The following GRIK5 variants were observed in gnomAD, a reference collection of about 807,000 sequenced individuals.
GRIK5 encodes glutamate receptor ionotropic, kainate 5.
GRIK5 carries 43 observed loss-of-function variants against 97.4 expected under a neutral mutation model. The ratio of observed to expected loss-of-function variants is 0.44; its 90% CI spans 0.35 to 0.57. The LOEUF is 0.57. Ranked by LOEUF, GRIK5 falls within the 20% of genes least tolerant of loss-of-function variation. The pLI is 0.01. For missense variants in GRIK5, 1,015 were observed against 1,382.0 expected, an observed-to-expected ratio of 0.73 and a Z score of 4.21; for synonymous variants, 580 against 583.5, an observed-to-expected ratio of 0.99 and a Z score of 0.09.
Position 42,005,970 on chromosome 19 carries a change from G to A in GRIK5, c.2038-22C>T, listed in dbSNP as rs1220007904. ...AATTCTGGGCAGGAGGATCACAAGGGGAAGATGGGAGGGTCTTTCCAGCCG... is the reference window on the plus strand; with the variant it reads ...AATTCTGGGCAGGAGGATCACAAGGAGAAGATGGGAGGGTCTTTCCAGCCG... On this transcript the variant is annotated intron_variant, in intron 16 of 19. Transcript: ENST00000593562. The A allele has an allele frequency of 7.3e-6, 9 of 1,231,686 alleles. No individual in the cohort carries two copies. In the African/African-American group the frequency reaches 1.2e-4, roughly 16 times the overall value. 76.3% of individuals were successfully genotyped at this position (1,231,686 alleles called of 1,614,324 possible).
chr19:42,068,197 G>A (rs1275112993), intron 1 of GRIK5, among the ~76,000 whole-genome samples: 2 of 152,114 alleles, frequency 1.3e-5, no homozygotes, highest in Admixed American at 1.3e-4. Context: ...GGAAACTGAG[G>A]TGGGGAGATG....
chr19:42,062,356 T>C lies in GRIK5; in HGVS notation c.508+132A>G. ...AACCAGAGGCCTCGGTTTCTGAAGA[T>C]GGGAGAAGAGCCTGGTGCCTGGGTG... is the stretch of plus-strand genomic sequence containing the variant. On this transcript the variant is annotated intron_variant, in intron 5 of 19. Transcript: ENST00000593562. This position sits in a 1 kb window ranked among gnomAD's most constrained non-coding sequence, Gnocchi z 5.3. 1 of 804,060 alleles carries C rather than the reference T, an allele frequency of 1.2e-6. No homozygotes were observed. Among genetic ancestry groups the C allele is most frequent in the African/African-American group, 1.7e-5 (1 of 57,784 alleles). 49.8% of individuals were successfully genotyped at this position (804,060 alleles called of 1,614,324 possible).
At chr19:42,050,915 G>GAAGA (rs2076107042) in intron 11 of GRIK5, among the ~76,000 whole-genome samples, 1 of 152,046 alleles carries the variant, frequency 6.6e-6, no homozygotes, top group Non-Finnish European at 1.5e-5. Context: ...CACGTACCTT[G>GAAGA]GGCACTGCAA....
chr19:42,027,038 C>A (rs1318189359), intron 12 of GRIK5, among the ~76,000 whole-genome samples: 2 of 152,196 alleles, frequency 1.3e-5, no homozygotes, highest in Non-Finnish European at 2.9e-5. Context: ...TCATCCCCTA[C>A]CATCTTGCCC....
chr19:42,047,670 T>C (rs2076059496), intron 11 of GRIK5, among the ~76,000 whole-genome samples: 1 of 152,120 alleles, frequency 6.6e-6, no homozygotes, highest in African/African-American at 2.4e-5. Flanking sequence ...AATACCCATA[T>C]GGAAAAAAAT....
intron 12 of GRIK5, among the ~76,000 whole-genome samples, chr19:42,031,360 T>C (rs1254179286): frequency 6.6e-6 from 1 of 152,236 alleles, no homozygotes; most frequent in Non-Finnish European, 1.5e-5. Flanking sequence ...CAGGGAGTTC[T>C]AGGAGCTTCC....
intron 5 of GRIK5, among the ~76,000 whole-genome samples, chr19:42,060,473 T>C (rs1282976794): frequency 6.6e-6 from 1 of 151,676 alleles, no homozygotes; most frequent in Non-Finnish European, 1.5e-5. Flanking sequence ...CAACTTTAAA[T>C]GAAATGGTGG....
rs923429552 is a variant in GRIK5 at position 42,062,220 on chromosome 19, C to T, written c.508+268G>A. 6.6e-6 allele frequency among the ~76,000 whole-genome samples: 1 copy of T among 152,198 alleles called. No individual in the cohort carries two copies. The highest frequency in any genetic ancestry group is 1.5e-5 in the Non-Finnish European group (1 of 68,026). Reference sequence around the variant, plus strand: ...ATGACCTCCACTAGAACCGGAGTTCCAAGCACCCAGGGACCACGCCCAGGG... The same window carrying T: ...ATGACCTCCACTAGAACCGGAGTTCTAAGCACCCAGGGACCACGCCCAGGG... On this transcript the variant is annotated intron_variant, in intron 5 of 19. Transcript: ENST00000593562. This position sits in a 1 kb window ranked among gnomAD's most constrained non-coding sequence, Gnocchi z 5.3.
Position 42,003,305 on chromosome 19 carries a change from G to T in GRIK5, c.2514+27C>A. ...TCAGCCCCTGGGGGTCCCTGTTCCT[G>T]CCCACCCCCACCCCCAGCCTCCTCA... On this transcript the variant is annotated intron_variant, in intron 19 of 19. Transcript: ENST00000593562. The surrounding 1 kb of genome is among the most constrained non-coding windows in gnomAD (Gnocchi z 4.2). 1 of 1,540,744 alleles carries T rather than the reference G, an allele frequency of 6.5e-7. No homozygotes were observed. The highest frequency in any genetic ancestry group is 8.9e-7 in the Non-Finnish European group (1 of 1,118,204).
intron 5 of GRIK5, 31 bp from the exon 6 acceptor site, chr19:42,059,558 C>G (rs2076232870): frequency 6.3e-7 from 1 of 1,589,714 alleles, no homozygotes; most frequent in African/African-American, 1.3e-5. Flanking sequence ...TGGGTTGGAG[C>G]CCTTCTGGGT....
intron 15 of GRIK5, among the ~76,000 whole-genome samples, chr19:42,011,930 G>A (rs931938158): frequency 2.0e-5 from 3 of 152,102 alleles, no homozygotes; most frequent in Non-Finnish European, 4.4e-5. Flanking sequence ...GCACTCCAGC[G>A]TGGGTGACAG....
chr19:42,017,691 C>T (rs2075641231), intron 15 of GRIK5, among the ~76,000 whole-genome samples: 1 of 152,148 alleles, frequency 6.6e-6, no homozygotes. Context: ...CGAATGCTGC[C>T]TGGAGGTAAG....
Position 42,021,403 on chromosome 19 carries a change from T to C in GRIK5, c.1769A>G (p.Tyr590Cys). The change falls in exon 15 of 20, where the codon TAC (tyrosine) becomes TGC (cysteine). Residue 590 changes from tyrosine to cysteine, a missense_variant. Tyr to Cys is a radical substitution (Grantham distance 194). Around this residue, in one of 5 missense-constraint regions of GRIK5, gnomAD observed 477 missense variants for 701.1 expected, o/e 0.68. Transcript: ENST00000593562. This position sits in a 1 kb window ranked among gnomAD's most constrained non-coding sequence, Gnocchi z 4.2. Reference sequence around the variant, plus strand: ...AAACCACAGGCTGTTGCCCAGCGTGTACTGGTTCTCCAGGATGTGGGGGCG... The same window carrying C: ...AAACCACAGGCTGTTGCCCAGCGTGCACTGGTTCTCCAGGATGTGGGGGCG... The part of the protein sequence containing the change: ...RARPHILENQ[Y>C]TLGNSLWFPV... 6.2e-7 allele frequency: 1 copy of C among 1,612,756 alleles called. No homozygotes were observed.
chr19:42,050,885 G>T (rs553394073), intron 11 of GRIK5, among the ~76,000 whole-genome samples: 1 of 149,188 alleles, frequency 6.7e-6, no homozygotes, highest in South Asian at 2.2e-4. Flanking sequence ...GAGAGGGAGG[G>T]AGGGAGGGAG....
At chr19:42,053,569 G>A (rs949446053) in intron 11 of GRIK5, 33 bp downstream of exon 11, 9 of 1,284,008 alleles carry the variant, frequency 7.0e-6, no homozygotes, top group South Asian at 3.6e-5. Context: ...TCAGGGCAGC[G>A]CCACTCCCAG....
At chr19:42,009,938 C>T (rs1357529280) in intron 15 of GRIK5, among the ~76,000 whole-genome samples, 2 of 149,832 alleles carry the variant, frequency 1.3e-5, no homozygotes, top group Non-Finnish European at 3.0e-5. Flanking sequence ...TGGTGGTGCA[C>T]GCCTGTAATC....
intron 12 of GRIK5, among the ~76,000 whole-genome samples, chr19:42,034,231 C>G (rs772376465): frequency 6.6e-6 from 1 of 151,994 alleles, no homozygotes. Flanking sequence ...CGTGATGGAG[C>G]GTGCCTGTAA....
Position 42,005,856 on chromosome 19 carries a change from G to A in GRIK5, c.2130C>T (p.Ala710=). The change falls in exon 17 of 20, where the codon GCC becomes GCT. Residue 710 remains alanine (A), a synonymous_variant. Coordinates refer to ENST00000593562, the MANE Select transcript of GRIK5 (RefSeq NM_002088.5). ...AGGCGTAGCGGGAGTTGAGGACGCGGGCAATGCCCTCTTCTGTGCTCTTGA... is the reference window on the plus strand; with the variant it reads ...AGGCGTAGCGGGAGTTGAGGACGCGAGCAATGCCCTCTTCTGTGCTCTTGA... ...VFVKSTEEGI[A]RVLNSRYAFL... is the part of the protein sequence containing the mutation. The A allele has an allele frequency of 6.2e-7, 1 of 1,611,894 alleles. No homozygotes were observed. Among genetic ancestry groups the A allele is most frequent in the Non-Finnish European group, 8.5e-7 (1 of 1,178,060 alleles).
At chr19:42,067,924 C>T (rs1269057309) in intron 1 of GRIK5, among the ~76,000 whole-genome samples, 1 of 152,122 alleles carries the variant, frequency 6.6e-6, no homozygotes, top group African/African-American at 2.4e-5. Context: ...AGCTGAGCAA[C>T]AGTGGGCATA....
Sources: allele counts gnomAD v4.1 joint callset (sites outside exome capture counted in the v4.1 genomes callset), GRCh38; gene constraint gnomAD v4.1.1; regional missense constraint gnomAD v4.1.1; non-coding constraint Gnocchi (gnomAD v3.1); transcripts MANE v1.5; gene names NCBI Gene and HGNC (gene_info 2026-07-23, HGNC 2026-07-21).